Variants in POLR3GL observed in about 807,000 individuals in gnomAD.
POLR3GL encodes DNA-directed RNA polymerase III subunit RPC7-like.
Under a neutral mutation model 32.4 loss-of-function variants are expected in POLR3GL, and 26 were observed. That is an observed-to-expected ratio of 0.80 (90% CI 0.59 to 1.11). The LOEUF is 1.11. Ranked by LOEUF, POLR3GL falls within the 50% of genes most tolerant of loss-of-function variation. POLR3GL has a pLI of 0.00. For missense variants in POLR3GL, 229 were observed against 280.1 expected, an observed-to-expected ratio of 0.82 and a Z score of 1.30; for synonymous variants, 95 against 98.7, an observed-to-expected ratio of 0.96 and a Z score of 0.22.
chr1:145,969,641 C>T (rs1191333395), intron 1 of POLR3GL, among the ~76,000 whole-genome samples: 1 of 150,486 alleles, frequency 6.6e-6, no homozygotes, highest in African/African-American at 2.4e-5. Flanking sequence ...CATAACCTGG[C>T]TGGGCATGGT....
intron 1 of POLR3GL, among the ~76,000 whole-genome samples, chr1:145,972,364 G>A (rs747983328): frequency 6.8e-6 from 1 of 146,904 alleles, no homozygotes; most frequent in Non-Finnish European, 1.5e-5. Flanking sequence ...TGGGCAATAA[G>A]AGCGAAACTC....
At chr1:145,970,968 C>T (rs1192841111) in intron 1 of POLR3GL, among the ~76,000 whole-genome samples, 2 of 147,978 alleles carry the variant, frequency 1.4e-5, no homozygotes, top group Non-Finnish European at 3.0e-5. Context: ...GATGGATCAC[C>T]TGGTCGGGAG....
Position 145,975,445 on chromosome 1 carries a change from G to T in POLR3GL, c.256+9G>T. 3 of 1,612,732 alleles carry T rather than the reference G, an allele frequency of 1.9e-6. No individual in the cohort carries two copies. The highest frequency in any genetic ancestry group is 2.5e-6 in the Non-Finnish European group (3 of 1,178,844). ...AGCTGTCCCCAAGAGAGGTCAGTTG[G>T]AATGCTAGCATCATATTCTGAGTGC... On this transcript the variant is annotated intron_variant, in intron 3 of 7. Transcript: ENST00000369314.
chr1:145,969,196 C>G (rs1650168930), intron 1 of POLR3GL, among the ~76,000 whole-genome samples: 3 of 152,060 alleles, frequency 2.0e-5, no homozygotes, highest in Admixed American at 1.3e-4. Flanking sequence ...CTGCCTGGGC[C>G]CAAGTGATCC....
intron 4 of POLR3GL, 129 bp from the exon 5 acceptor site, chr1:145,977,354 A>C (rs1650604405): frequency 1.1e-6 from 1 of 945,310 alleles, no homozygotes; most frequent in South Asian, 1.4e-5. Flanking sequence ...TATCCAAGCC[A>C]CTGAACAACT....
At position 145,975,448 on chromosome 1, in the gene POLR3GL, T is replaced by C. The variant is rs1553763275; in HGVS notation, c.256+12T>C. 1 of 1,612,538 alleles carries C rather than the reference T, an allele frequency of 6.2e-7. No individual in the cohort carries two copies. The highest frequency in any genetic ancestry group is 2.2e-5 in the East Asian group (1 of 44,834). On this transcript the variant is annotated intron_variant, in intron 3 of 7. Transcript: ENST00000369314. ...TGTCCCCAAGAGAGGTCAGTTGGAA[T>C]GCTAGCATCATATTCTGAGTGCCTT...
chr1:145,978,205 G>C (rs1553763833), intron 7 of POLR3GL, 109 bp downstream of exon 7: 1 of 1,477,148 alleles, frequency 6.8e-7, no homozygotes, highest in Admixed American at 2.2e-5. Context: ...CCCCAGGGTA[G>C]GGGCTTCTCT....
At chr1:145,967,337 G>C (rs781965901) in intron 1 of POLR3GL, among the ~76,000 whole-genome samples, 64 of 152,124 alleles carry the variant, frequency 4.2e-4, no homozygotes, top group Admixed American at 1.0e-3. Flanking sequence ...ACTGTGCCTG[G>C]CTAATTTTTT....
chr1:145,969,450 G>C (rs1553762361), intron 1 of POLR3GL, among the ~76,000 whole-genome samples: 1 of 151,020 alleles, frequency 6.6e-6, no homozygotes, highest in African/African-American at 2.4e-5. Flanking sequence ...TTTTAGTAGA[G>C]ACGGGGTTTT....
rs1479127489 is a variant in POLR3GL at position 145,978,603 on chromosome 1, A to G, written c.*156A>G. 9.2e-6 allele frequency: 6 copies of G among 649,438 alleles called. No individual in the cohort carries two copies. In the Admixed American group the frequency reaches 1.1e-4, roughly 11 times the overall value. The allele number at this position is 649,438 out of a possible 1,614,324, so 40.2% of individuals were successfully genotyped here. On this transcript the variant is annotated 3_prime_UTR_variant, in exon 8 of 8. Coordinates refer to ENST00000369314, the MANE Select transcript of POLR3GL (RefSeq NM_032305.3). ...AGAGGATGATGACAGTTTATTTTCT[A>G]CACTTCCCCTCCTTCCACATTTGTA...
chr1:145,967,653 A>G (rs1347700729), intron 1 of POLR3GL, among the ~76,000 whole-genome samples: 5 of 151,860 alleles, frequency 3.3e-5, no homozygotes. Flanking sequence ...TGGATTTCTT[A>G]TTTTCTCTGT....
At chr1:145,971,634 G>A (rs1410560047) in intron 1 of POLR3GL, among the ~76,000 whole-genome samples, 1 of 151,958 alleles carries the variant, frequency 6.6e-6, no homozygotes, top group Non-Finnish European at 1.5e-5. Context: ...TGTTTTTCTG[G>A]TCTCTCCACT....
rs371843943 is a variant in POLR3GL, at chr1:145,977,403, A to ACC, written c.326-75_326-74dup. On this transcript the variant is annotated intron_variant, in intron 4 of 7. Transcript: ENST00000369314. ...TTCCTTCCTCTCCTTTAAAACCCTCACCCCCCTTTAAAACCAGTCAGTATT... is the reference window on the plus strand; with the variant it reads ...TTCCTTCCTCTCCTTTAAAACCCTCACCCCCCCCTTTAAAACCAGTCAGTATT... The ACC allele has an allele frequency of 1.7e-5, 24 of 1,386,220 alleles. No individual in the cohort carries two copies. In the African/African-American group the frequency reaches 3.5e-4, roughly 20 times the overall value. The allele number at this position is 1,386,220 out of a possible 1,614,324, so 85.9% of individuals were successfully genotyped here. A position where few individuals can be genotyped will look rare whatever the true frequency, so the allele number is the denominator to read the frequency against.
Position 145,977,999 on chromosome 1 carries a change from A to G in POLR3GL, c.473A>G (p.Glu158Gly). ...CCACATGAGACCCTGGAGAAGAAGG[A>G]AGAAGAAGTAACTTCAGAGGAGGAT... ...IQKLETLEKK[E>G]EEVTSEEDEE... The change falls in exon 7 of 8, where the codon GAA becomes GGA. Residue 158 changes from glutamate (E) to glycine (G), a missense_variant. Coordinates refer to ENST00000369314, the MANE Select transcript of POLR3GL (RefSeq NM_032305.3). 6.2e-7 allele frequency: 1 copy of G among 1,613,074 alleles called. No individual in the cohort carries two copies. The highest frequency in any genetic ancestry group is 1.1e-5 in the South Asian group (1 of 91,056).
chr1:145,969,072 T>C (rs1033308454), intron 1 of POLR3GL, among the ~76,000 whole-genome samples: 11 of 152,206 alleles, frequency 7.2e-5, no homozygotes, highest in African/African-American at 2.6e-4. Flanking sequence ...ATTAATCTCA[T>C]TTAGTATTCT....
intron 1 of POLR3GL, among the ~76,000 whole-genome samples, chr1:145,970,037 T>A (rs1235049141): frequency 6.6e-6 from 1 of 152,206 alleles, no homozygotes; most frequent in Non-Finnish European, 1.5e-5. Context: ...AACAGATTTT[T>A]AATTCATATG....
At chr1:145,969,921 C>CAAA (rs1353132714) in intron 1 of POLR3GL, among the ~76,000 whole-genome samples, 5 of 65,088 alleles carry the variant, frequency 7.7e-5, no homozygotes, top group African/African-American at 2.6e-4. Flanking sequence ...GACTCTGTCT[C>CAAA]AAAAAAAAAA....
At chr1:145,976,176 G>A (rs1251056297) in intron 3 of POLR3GL, among the ~76,000 whole-genome samples, 1 of 152,120 alleles carries the variant, frequency 6.6e-6, no homozygotes, top group East Asian at 1.9e-4. Context: ...TCGGGAGGCT[G>A]AGGCTGAGGC....
In POLR3GL at chr1:145,965,925, G is replaced by A. The variant is rs587593766; in HGVS notation, c.-42+1157G>A. On this transcript the variant is annotated intron_variant, in intron 1 of 7. Coordinates refer to ENST00000369314, the MANE Select transcript of POLR3GL (RefSeq NM_032305.3). The stretch of plus-strand genomic sequence containing the variant: ...GAGGTCGGGAGTTGGAGACCAGCCT[G>A]ACCAACGTGGAGAAACTCTGTCTCT... Among the ~76,000 whole-genome samples, 11 of 151,350 alleles carry A rather than the reference G, an allele frequency of 7.3e-5. No homozygotes were observed. The South Asian group carries it at 2.1e-3, about 29-fold the overall frequency.
Sources: gnomAD v4.1 joint callset for allele counts (sites outside exome capture counted in the v4.1 genomes callset) on GRCh38, gnomAD v4.1.1 for gene constraint, MANE v1.5 for transcripts, NCBI Gene and HGNC (gene_info 2026-07-23, HGNC 2026-07-21) for gene names.